The following MAPK7 variants were observed in gnomAD, a reference collection of about 807,000 sequenced individuals.
The protein encoded by MAPK7 is BMK-1.
MAPK7 carries 30 observed loss-of-function variants against 56.9 expected under a neutral mutation model. That is an observed-to-expected ratio of 0.53 (90% confidence interval 0.39 to 0.72). MAPK7 has a LOEUF of 0.72. Ranked by LOEUF, MAPK7 falls within the 30% of genes least tolerant of loss-of-function variation. The pLI is 0.00. For missense variants in MAPK7, 952 were observed against 1,110.8 expected (o/e 0.86, Z 2.03); for synonymous variants, 516 against 449.3 (o/e 1.15, Z -1.88).
intron 6 of MAPK7, 59 bp downstream of exon 6, chr17:19,383,005 G>A (rs1199676467): frequency 2.5e-6 from 4 of 1,612,788 alleles, no homozygotes; most frequent in African/African-American, 1.3e-5. Flanking sequence ...CCTGGTGCAG[G>A]AGACATGCAC....
Position 19,378,741 on chromosome 17 carries a change from C to A in MAPK7, c.-6+111C>A. 1 of 1,328,326 alleles carries A rather than the reference C, an allele frequency of 7.5e-7. No homozygotes were observed. Among genetic ancestry groups the A allele is most frequent in the Non-Finnish European group, 9.9e-7 (1 of 1,005,656 alleles). 82.3% of individuals were successfully genotyped at this position (1,328,326 alleles called of 1,614,324 possible). A position where few individuals can be genotyped will look rare whatever the true frequency, so the allele number is the denominator to read the frequency against. Reference sequence around the variant, plus strand: ...GCGGGCCCCCGGCTCTGGGCCCGGACCCCTGGGGTAGCTAGTCTGCCACGA... The same window carrying A: ...GCGGGCCCCCGGCTCTGGGCCCGGAACCCTGGGGTAGCTAGTCTGCCACGA... On this transcript the variant is annotated intron_variant, in intron 1 of 6. Coordinates refer to ENST00000395604, the MANE Select transcript of MAPK7 (RefSeq NM_002749.4). The surrounding 1 kb of genome is among the most constrained non-coding windows in gnomAD (Gnocchi z 5.4).
rs1396821604 is a variant in MAPK7 at position 19,382,477 on chromosome 17, G to A, written c.2163+11G>A. On this transcript the variant is annotated intron_variant, in intron 5 of 6. Transcript: ENST00000395604. ...CTATCTAAGTCACAGGTGAGAGGGA[G>A]GCCCAGGCCATGGGGACACCTGGGT... 4 of 1,570,156 alleles carry A rather than the reference G, an allele frequency of 2.5e-6. No individual in the cohort carries two copies. The highest frequency in any genetic ancestry group is 2.4e-5 in the South Asian group (2 of 84,184).
At chr17:19,380,392 T>G in intron 3 of MAPK7, 1 of 1,312,450 alleles carries the variant, frequency 7.6e-7, no homozygotes, top group South Asian at 1.9e-5. Context: ...ATGGGGAAAC[T>G]AGGTCTGGAG....
At chr17:19,378,290 C>CA (rs1450048134), upstream of MAPK7, 25 of 986,560 alleles carry the variant, frequency 2.5e-5, no homozygotes, top group Middle Eastern at 5.2e-4. The surrounding 1 kb of genome is among the most constrained non-coding windows in gnomAD (Gnocchi z 5.4). Context: ...GGGCGGGGAG[C>CA]ACACCCCTGC....
rs1598120611 is a variant in MAPK7, at chr17:19,383,385, A to C, written c.*154A>C. The C allele has an allele frequency of 1.4e-6, 1 of 697,990 alleles. No homozygotes were observed. The highest frequency in any genetic ancestry group is 2.3e-6 in the Non-Finnish European group (1 of 439,506). 43.2% of individuals were successfully genotyped at this position (697,990 alleles called of 1,614,324 possible). On this transcript the variant is annotated 3_prime_UTR_variant, in exon 7 of 7. Transcript: ENST00000395604. ...ACCCACCTTTCAGCCTTAAGCAGCC[A>C]CCTGAGCCACCACCGAGCCATGGCA...
upstream of MAPK7, chr17:19,378,235 A>C (rs375178509): frequency 1.0e-6 from 1 of 985,730 alleles, no homozygotes; most frequent in Non-Finnish European, 1.2e-6. This position sits in a 1 kb window ranked among gnomAD's most constrained non-coding sequence, Gnocchi z 5.4. Context: ...CCTTCCATTC[A>C]CTTGGCGCCC....
In MAPK7 at chr17:19,382,237, C is replaced by A; in HGVS notation, c.1934C>A (p.Pro645His). ...GGCCCTGCACCCCACCCCACTGGCC[C>A]TCCTGGGCCCATCCCTGTCCCCGCG... ...PPGPAPHPTG[P>H]PGPIPVPAPP... The change falls in exon 5 of 7, where the codon CCT becomes CAT. Residue 645 changes from proline (P) to histidine (H), a missense_variant. Pro to His is a moderately conservative substitution (Grantham distance 77). This residue lies in a region of MAPK7 where 234 missense variants were observed against 210.4 expected (regional missense o/e 1.11). Transcript: ENST00000395604. 6.2e-7 allele frequency: 1 copy of A among 1,611,910 alleles called. No homozygotes were observed. The highest frequency in any genetic ancestry group is 1.1e-5 in the South Asian group (1 of 91,024).
At chr17:19,379,665 C>T in intron 2 of MAPK7, 117 bp from the exon 3 acceptor site, 1 of 879,590 alleles carries the variant, frequency 1.1e-6, no homozygotes, top group Non-Finnish European at 1.8e-6. Flanking sequence ...AGTAGGTACC[C>T]AATACTTGGT....
rs1303244270 is a variant in MAPK7, at chr17:19,382,807, C to G, written c.2164-6C>G. ...TGTCTGCATTGTAACCTGTCATTCC[C>G]TGCAGGTGGAGGACCCCCTGCCCCC... On this transcript the variant is annotated splice_region_variant and splice_polypyrimidine_tract_variant and intron_variant, in intron 5 of 6. Coordinates refer to ENST00000395604, the MANE Select transcript of MAPK7 (RefSeq NM_002749.4). 18 of 1,613,690 alleles carry G rather than the reference C, an allele frequency of 1.1e-5. No individual in the cohort carries two copies. The highest frequency in any genetic ancestry group is 1.5e-5 in the Non-Finnish European group (18 of 1,179,804).
intron 5 of MAPK7, 34 bp downstream of exon 5, chr17:19,382,500 G>A (rs770740802): frequency 1.3e-6 from 2 of 1,536,150 alleles, no homozygotes; most frequent in Admixed American, 2.1e-5. Context: ...GGGACACCTG[G>A]GTCTGGGCCA....
Position 19,383,211 on chromosome 17 carries a change from C to A in MAPK7, c.2431C>A (p.Pro811Thr). The change falls in exon 7 of 7, where the codon CCT becomes ACT. Residue 811 changes from proline to threonine, a missense_variant. Pro to Thr is a conservative substitution (Grantham distance 38). Around this residue, in one of 5 missense-constraint regions of MAPK7, gnomAD observed 73 missense variants for 104.6 expected, o/e 0.70. Transcript: ENST00000395604. ...MDSPMLLADLPDLQDP is the reference protein window; with the variant it reads ...MDSPMLLADLTDLQDP ...CTCCCCAATGCTGCTGGCTGACCTG[C>A]CTGACCTCCAGGACCCCTGAGGCCC... 2 of 1,614,044 alleles carry A rather than the reference C, an allele frequency of 1.2e-6. No individual in the cohort carries two copies. Among genetic ancestry groups the A allele is most frequent in the South Asian group, 2.2e-5 (2 of 91,076 alleles).
chr17:19,382,577 C>G, intron 5 of MAPK7, 111 bp downstream of exon 5: 1 of 1,499,732 alleles, frequency 6.7e-7, no homozygotes, highest in Non-Finnish European at 8.8e-7. Context: ...GGCTTTATCT[C>G]TGAACGTGTC....
Position 19,378,688 on chromosome 17 carries a change from CG to C in MAPK7, c.-6+59del. On this transcript the variant is annotated intron_variant, in intron 1 of 6. Transcript: ENST00000395604. The surrounding 1 kb of genome is among the most constrained non-coding windows in gnomAD (Gnocchi z 5.4). ...CGCCCCTCCCTTTCTTCCTGGCCCGCGCCTCGCCTACCCCTCCCCCGACCCT... is the reference window on the plus strand; with the variant it reads ...CGCCCCTCCCTTTCTTCCTGGCCCGCCCTCGCCTACCCCTCCCCCGACCCT... The C allele has an allele frequency of 1.4e-6, 2 of 1,409,998 alleles. No individual in the cohort carries two copies. The highest frequency in any genetic ancestry group is 3.1e-5 in the South Asian group (2 of 64,396). 87.3% of individuals were successfully genotyped at this position (1,409,998 alleles called of 1,614,324 possible).
chr17:19,379,389 A>G lies in MAPK7; in HGVS notation c.232+257A>G, dbSNP rs1678424242. On this transcript the variant is annotated intron_variant, in intron 2 of 6. Coordinates refer to ENST00000395604, the MANE Select transcript of MAPK7 (RefSeq NM_002749.4). ...CCCAGTTAGACCAGAATGGAGAGCC[A>G]GTCCTTCGTGTCTAAGAGAGAAATG... 3 of 578,950 alleles carry G rather than the reference A, an allele frequency of 5.2e-6. No individual in the cohort carries two copies. The African/African-American group carries it at 5.6e-5, about 11-fold the overall frequency. The allele number at this position is 578,950 out of a possible 1,614,324, so 35.9% of individuals were successfully genotyped here. A position where few individuals can be genotyped will look rare whatever the true frequency, so the allele number is the denominator to read the frequency against.
upstream of MAPK7, chr17:19,377,828 C>T (rs987534966): frequency 9.1e-6 from 9 of 985,106 alleles, no homozygotes; most frequent in South Asian, 4.7e-5. Flanking sequence ...ACGGGAATCG[C>T]GGGACAGACA....
In MAPK7 at chr17:19,382,188, C is replaced by T; in HGVS notation, c.1885C>T (p.Pro629Ser). Residue 629 changes from proline (P) to serine (S), a missense_variant, in exon 5 of 7, where the codon CCC (proline) becomes TCC (serine). Pro to Ser is a moderately conservative substitution (Grantham distance 74). Coordinates refer to ENST00000395604, the MANE Select transcript of MAPK7 (RefSeq NM_002749.4). ...QSAGSTSGPV[P>S]QPACPPPGPA... ...TGCGGGCTCTACCTCTGGCCCTGTA[C>T]CCCAGCCTGCCTGCCCACCCCCTGG... The T allele has an allele frequency of 6.2e-7, 1 of 1,612,244 alleles. No homozygotes were observed. The highest frequency in any genetic ancestry group is 8.5e-7 in the Non-Finnish European group (1 of 1,179,652).
Position 19,378,728 on chromosome 17 carries a change from C to G in MAPK7, c.-6+98C>G. The G allele has an allele frequency of 7.3e-7, 1 of 1,366,310 alleles. No individual in the cohort carries two copies. The highest frequency in any genetic ancestry group is 9.6e-7 in the Non-Finnish European group (1 of 1,043,464). The allele number at this position is 1,366,310 out of a possible 1,614,324, so 84.6% of individuals were successfully genotyped here. A position where few individuals can be genotyped will look rare whatever the true frequency, so the allele number is the denominator to read the frequency against. ...TCCCCCGACCCTGGCGGGCCCCCGG[C>G]TCTGGGCCCGGACCCCTGGGGTAGC... On this transcript the variant is annotated intron_variant, in intron 1 of 6. Transcript: ENST00000395604. The surrounding 1 kb of genome is among the most constrained non-coding windows in gnomAD (Gnocchi z 5.4).
In MAPK7 at chr17:19,382,831, C is replaced by T; in HGVS notation, c.2182C>T (p.Pro728Ser). The change falls in exon 6 of 7, where the codon CCT (proline) becomes TCT (serine). Residue 728 changes from proline to serine, a missense_variant. This residue lies in a region of MAPK7 where 234 missense variants were observed against 210.4 expected (regional missense o/e 1.11). Transcript: ENST00000395604. ...SKSQVEDPLP[P>S]VFSGTPKGSG... ...CCTGCAGGTGGAGGACCCCCTGCCC[C>T]CTGTGTTCTCAGGCACACCAAAGGG... 1 of 1,614,194 alleles carries T rather than the reference C, an allele frequency of 6.2e-7. No individual in the cohort carries two copies. Among genetic ancestry groups the T allele is most frequent in the Non-Finnish European group, 8.5e-7 (1 of 1,180,022 alleles).
chr17:19,379,621 G>A (rs1912468081), intron 2 of MAPK7, 161 bp from the exon 3 acceptor site: 4 of 637,766 alleles, frequency 6.3e-6, no homozygotes, highest in South Asian at 1.9e-5. Flanking sequence ...ATTTAATAAT[G>A]TAGGTAACAT....
Sources: allele counts gnomAD v4.1 joint callset, GRCh38; gene constraint gnomAD v4.1.1; regional missense constraint gnomAD v4.1.1; non-coding constraint Gnocchi (gnomAD v3.1); transcripts MANE v1.5; gene names NCBI Gene and HGNC (gene_info 2026-07-23, HGNC 2026-07-21).